The following SLC44A5 variants were observed in gnomAD, a reference collection of about 807,000 sequenced individuals.
SLC44A5 encodes the protein solute carrier family 44 member 5.
In SLC44A5, 57 loss-of-function variants were observed where a neutral mutation model predicts 101.8. The observed-to-expected ratio is 0.56, with a 90% CI of 0.45 to 0.70. The LOEUF is 0.70. SLC44A5 is among the 30% of genes least tolerant of loss of function. The pLI is 0.00. For missense variants in SLC44A5, 737 were observed against 853.1 expected (o/e 0.86, Z 1.70); for synonymous variants, 281 against 290.9 (o/e 0.97, Z 0.35).
chr1:75,610,691 C>T (rs558010629), intron 1 of SLC44A5, among the ~76,000 whole-genome samples: 2 of 151,998 alleles, frequency 1.3e-5, no homozygotes, highest in Admixed American at 1.3e-4. Flanking sequence ...GAGATGTTAT[C>T]AACATCTCAG....
chr1:75,230,868 G>A (rs1490450318), intron 12 of SLC44A5, among the ~76,000 whole-genome samples: 5 of 152,102 alleles, frequency 3.3e-5, no homozygotes, highest in Non-Finnish European at 5.9e-5. Flanking sequence ...TGGCCGCCTC[G>A]GCCTCCCACA....
intron 3 of SLC44A5, among the ~76,000 whole-genome samples, chr1:75,346,712 G>A (rs1658282928): frequency 6.6e-6 from 1 of 151,768 alleles, no homozygotes; most frequent in Admixed American, 6.6e-5. Context: ...ATCAACTTGG[G>A]TTTTCTAACA....
chr1:75,255,487 C>T (rs1570482829), intron 6 of SLC44A5, among the ~76,000 whole-genome samples: 1 of 150,542 alleles, frequency 6.6e-6, no homozygotes, highest in South Asian at 2.1e-4. Context: ...TTAAGAAATT[C>T]TAAAATACAG....
intron 13 of SLC44A5, among the ~76,000 whole-genome samples, chr1:75,225,144 T>A (rs1461232976): frequency 2.0e-5 from 3 of 152,176 alleles, no homozygotes; most frequent in Non-Finnish European, 4.4e-5. Flanking sequence ...GGTACCATTT[T>A]AAAAAATCTT....
intron 12 of SLC44A5, 58 bp downstream of exon 12, chr1:75,233,928 G>T: frequency 8.0e-7 from 1 of 1,242,252 alleles, no homozygotes; most frequent in Non-Finnish European, 1.2e-6. Flanking sequence ...TGATAACAGC[G>T]ATTGAAAATA....
At chr1:75,509,116 T>A (rs1042184658) in intron 2 of SLC44A5, among the ~76,000 whole-genome samples, 1 of 152,312 alleles carries the variant, frequency 6.6e-6, no homozygotes, top group South Asian at 2.1e-4. Flanking sequence ...CTCAGGCATA[T>A]CCACAGACCA....
At chr1:75,248,526 C>A (rs647924) in intron 7 of SLC44A5, among the ~76,000 whole-genome samples, 110,405 of 151,860 alleles carry the variant, frequency 0.73, 40,329 homozygotes, top group East Asian at 0.93. Flanking sequence ...GAGATTTTAA[C>A]AGTTGTCTTC....
the SLC44A5 span, among the ~76,000 whole-genome samples, chr1:75,624,447 AT>A: frequency 1.3e-5 from 2 of 151,600 alleles, no homozygotes; most frequent in South Asian, 2.1e-4. Flanking sequence ...TTAGTCATTA[AT>A]TTTTTTTTCA....
At chr1:75,230,818 C>T (rs1046916146) in intron 12 of SLC44A5, among the ~76,000 whole-genome samples, 2 of 152,042 alleles carry the variant, frequency 1.3e-5, no homozygotes, top group Non-Finnish European at 2.9e-5. Flanking sequence ...GGTTTCACCA[C>T]GTTAGCCAGG....
chr1:75,316,118 T>C (rs1655667026), intron 4 of SLC44A5, among the ~76,000 whole-genome samples: 1 of 152,208 alleles, frequency 6.6e-6, no homozygotes, highest in South Asian at 2.1e-4. Flanking sequence ...TTCAATTGCT[T>C]ACAAAATAAA....
At chr1:75,389,510 C>T (rs1272021144) in intron 3 of SLC44A5, among the ~76,000 whole-genome samples, 3 of 152,030 alleles carry the variant, frequency 2.0e-5, no homozygotes, top group Non-Finnish European at 4.4e-5. Flanking sequence ...TATATCAACG[C>T]CAAGAGGATT....
intron 4 of SLC44A5, among the ~76,000 whole-genome samples, chr1:75,325,759 CGTGT>C (rs10538157): frequency 0.42 from 63,430 of 149,980 alleles, 14,154 homozygotes; most frequent in East Asian, 0.82. Flanking sequence ...TGCATGCATG[CGTGT>C]GTGTGTGTGT....
chr1:75,330,372 C>A (rs1433956278), intron 4 of SLC44A5, among the ~76,000 whole-genome samples: 1 of 151,980 alleles, frequency 6.6e-6, no homozygotes, highest in Non-Finnish European at 1.5e-5. Context: ...GGCCTTACCT[C>A]ATAATTTATT....
intron 2 of SLC44A5, among the ~76,000 whole-genome samples, chr1:75,488,550 A>G (rs931009094): frequency 2.6e-5 from 4 of 152,202 alleles, no homozygotes; most frequent in Non-Finnish European, 2.9e-5. Context: ...TTTGTGTCTG[A>G]ATTTTAAAAT....
At chr1:75,629,421 T>C in the SLC44A5 span, among the ~76,000 whole-genome samples, 2 of 152,210 alleles carry the variant, frequency 1.3e-5, no homozygotes, top group African/African-American at 4.8e-5. Flanking sequence ...AGCCCAAGAA[T>C]ACTTCTCAGT....
chr1:75,331,904 C>G (rs1657087264), intron 4 of SLC44A5, among the ~76,000 whole-genome samples: 1 of 152,106 alleles, frequency 6.6e-6, no homozygotes, highest in Non-Finnish European at 1.5e-5. Flanking sequence ...ATAAAGAGAT[C>G]TTCCTTCATC....
intron 2 of SLC44A5, among the ~76,000 whole-genome samples, chr1:75,540,366 C>T (rs958730962): frequency 1.3e-5 from 2 of 152,178 alleles, no homozygotes; most frequent in Non-Finnish European, 2.9e-5. Context: ...CTAAGTCTGT[C>T]GTTCTCCAGT....
chr1:75,655,406 G>T, the SLC44A5 span, among the ~76,000 whole-genome samples: 1 of 152,222 alleles, frequency 6.6e-6, no homozygotes, highest in Non-Finnish European at 1.5e-5. Flanking sequence ...CTGATGTCTA[G>T]CAAGAGGAAA....
In SLC44A5 at chr1:75,541,420, C is replaced by A; in HGVS notation, c.13+15G>T. 6.3e-7 allele frequency: 1 copy of A among 1,591,054 alleles called. No individual in the cohort carries two copies. Reference sequence around the variant, plus strand: ...AGTCCAGATCAAGAGGAACTTAATTCAAGTAGGTGATTACCTGTGTCATTC... The same window carrying A: ...AGTCCAGATCAAGAGGAACTTAATTAAAGTAGGTGATTACCTGTGTCATTC... On this transcript the variant is annotated intron_variant, in intron 2 of 23. Coordinates refer to ENST00000370859, the MANE Select transcript of SLC44A5 (RefSeq NM_001130058.2).
Sources: allele counts gnomAD v4.1 joint callset (sites outside exome capture counted in the v4.1 genomes callset), GRCh38; gene constraint gnomAD v4.1.1; transcripts MANE v1.5; gene names NCBI Gene and HGNC (gene_info 2026-07-23, HGNC 2026-07-21).